The following SERPINE3 variants were observed in gnomAD, a reference collection of about 807,000 sequenced individuals.
SERPINE3 encodes serpin family E member 3.
In SERPINE3, 43 loss-of-function variants were observed where a neutral mutation model predicts 41.7. That is an observed-to-expected ratio of 1.03 (90% CI 0.81 to 1.33). The LOEUF (loss-of-function observed/expected upper bound fraction) is 1.33. Among genes scored for constraint, SERPINE3 ranks in the 40% most tolerant of loss-of-function variants. The pLI, the probability that SERPINE3 is intolerant of heterozygous loss-of-function variation, is 0.00. For synonymous variants in SERPINE3, 200 were observed against 192.2 expected (o/e 1.04, Z -0.34); for missense variants, 440 against 491.7 (o/e 0.89, Z 0.99).
At chr13:51,355,177 G>C in intron 7 of SERPINE3, 34 bp downstream of exon 7, 2 of 1,022,920 alleles carry the variant, frequency 2.0e-6, no homozygotes, top group South Asian at 2.9e-5. Flanking sequence ...CGTTCTAGCC[G>C]TGTATTTGGG....
intron 6 of SERPINE3, among the ~76,000 whole-genome samples, chr13:51,348,848 G>GTCCCCCCATGACCCCCTGATCCAGCC (rs1439076333): frequency 2.3e-4 from 34 of 150,276 alleles, no homozygotes; most frequent in South Asian, 4.2e-4. Context: ...ACGTAATTGA[G>GTCCCCCCATGACCCCCTGATCCAGCC]CAAGTACAGA....
intron 6 of SERPINE3, chr13:51,354,099 T>C (rs1955442447): frequency 6.6e-6 from 1 of 152,156 alleles, no homozygotes; most frequent in African/African-American, 2.4e-5. Flanking sequence ...TTTTATCCAG[T>C]ATAAACACTC....
rs186423841 is a variant in SERPINE3 at position 51,355,523 on chromosome 13, C to T, written c.1000+380C>T. ...CTTCAGTCACCCTTTGTTTCTACAC[C>T]CTTTTCCTCCCTCCTTCCCAATACC... On this transcript the variant is annotated intron_variant, in intron 7 of 9. Transcript: ENST00000681248. Among the ~76,000 whole-genome samples, 302 of 152,184 alleles carry T rather than the reference C, an allele frequency of 2.0e-3. 1 individual carries two copies. Among genetic ancestry groups the T allele is most frequent in the African/African-American group, 6.7e-3 (279 of 41,514 alleles).
chr13:51,361,209 G>GA (rs2137827347), intron 7 of SERPINE3, 69 bp from the exon 8 acceptor site: 1 of 982,588 alleles, frequency 1.0e-6, no homozygotes, highest in South Asian at 1.4e-5. Context: ...CATTTTTAAA[G>GA]AATGTGTTCT....
intron 3 of SERPINE3, among the ~76,000 whole-genome samples, chr13:51,341,915 C>T (rs779641534): frequency 2.6e-5 from 4 of 152,142 alleles, no homozygotes; most frequent in Non-Finnish European, 5.9e-5. Context: ...TGCTTTTGAC[C>T]AACCTGCTTT....
At chr13:51,341,921 G>A (rs2137762011) in intron 3 of SERPINE3, among the ~76,000 whole-genome samples, 1 of 152,288 alleles carries the variant, frequency 6.6e-6, no homozygotes, top group Non-Finnish European at 1.5e-5. Flanking sequence ...TGACCAACCT[G>A]CTTTTATAAA....
chr13:51,360,135 G>T (rs1290209387), intron 7 of SERPINE3, among the ~76,000 whole-genome samples: 1 of 152,006 alleles, frequency 6.6e-6, no homozygotes, highest in Admixed American at 6.6e-5. Flanking sequence ...GCATTCATGG[G>T]CTATCTCCTG....
chr13:51,353,742 G>C (rs1481356772), intron 6 of SERPINE3, among the ~76,000 whole-genome samples: 2 of 152,118 alleles, frequency 1.3e-5, no homozygotes, highest in African/African-American at 2.4e-5. Context: ...TGATACTTTT[G>C]TTTAAAGTAT....
Position 51,364,317 on chromosome 13 carries a change from CATAAAGTT to C in SERPINE3, c.*40_*47del. ...CTCCACTTTCATCAATGCTTTTCTTCATAAAGTTATAATTTCATTTTGCTATACCCTTG... is the reference window on the plus strand; with the variant it reads ...CTCCACTTTCATCAATGCTTTTCTTCATAATTTCATTTTGCTATACCCTTG... On this transcript the variant is annotated 3_prime_UTR_variant, in exon 10 of 10. Coordinates refer to ENST00000681248, the MANE Select transcript of SERPINE3 (RefSeq NM_001386375.1). 2 of 1,275,292 alleles carry C rather than the reference CATAAAGTT, an allele frequency of 1.6e-6. No individual in the cohort carries two copies. The highest frequency in any genetic ancestry group is 2.1e-6 in the Non-Finnish European group (2 of 930,558). 79.0% of individuals were successfully genotyped at this position (1,275,292 alleles called of 1,614,324 possible).
intron 3 of SERPINE3, 72 bp downstream of exon 3, chr13:51,341,419 C>G: frequency 7.3e-7 from 1 of 1,370,260 alleles, no homozygotes; most frequent in Non-Finnish European, 1.0e-6. Flanking sequence ...GCTCACCCTC[C>G]TGCTCACACT....
At chr13:51,361,735 C>G (rs996209152) in intron 8 of SERPINE3, 75 bp from the exon 9 acceptor site, 6 of 1,313,178 alleles carry the variant, frequency 4.6e-6, no homozygotes, top group Non-Finnish European at 6.2e-6. Context: ...AAAAAATTAA[C>G]TTACTTCATA....
intron 5 of SERPINE3, among the ~76,000 whole-genome samples, chr13:51,347,962 C>T (rs1039751561): frequency 6.6e-6 from 1 of 152,102 alleles, no homozygotes; most frequent in African/African-American, 2.4e-5. Flanking sequence ...ATCGTCCCCC[C>T]CCCCATACCC....
chr13:51,344,523 G>C, intron 4 of SERPINE3, 38 bp downstream of exon 4: 1 of 1,471,884 alleles, frequency 6.8e-7, no homozygotes, highest in Middle Eastern at 1.7e-4. Flanking sequence ...GGCTAAGGCA[G>C]AGGGCTGCAG....
intron 1 of SERPINE3, among the ~76,000 whole-genome samples, chr13:51,339,946 G>T (rs1955274149): frequency 6.6e-6 from 1 of 152,162 alleles, no homozygotes; most frequent in South Asian, 2.1e-4. Context: ...GAGAGAGAGA[G>T]AGAGCCCTAT....
Position 51,348,064 on chromosome 13 carries a change from T to C in SERPINE3, c.701-149T>C, listed in dbSNP as rs1955366975. On this transcript the variant is annotated intron_variant, in intron 5 of 9. Transcript: ENST00000681248. ...ATAAAATGACCATATCGCCCAACAG[T>C]CTTTGGCCTGAAACCGCCTCCTGAG... The C allele has an allele frequency of 6.5e-6, 4 of 619,762 alleles. No individual in the cohort carries two copies. The Admixed American group carries it at 1.2e-4, about 18-fold the overall frequency. 38.4% of individuals were successfully genotyped at this position (619,762 alleles called of 1,614,324 possible).
intron 7 of SERPINE3, among the ~76,000 whole-genome samples, chr13:51,359,129 G>A (rs918274555): frequency 6.6e-6 from 1 of 152,042 alleles, no homozygotes. Context: ...TGGGAAAATA[G>A]GGCGTATGTC....
chr13:51,343,743 A>T (rs907482545), intron 3 of SERPINE3, among the ~76,000 whole-genome samples: 17 of 152,352 alleles, frequency 1.1e-4, no homozygotes, highest in Non-Finnish European at 2.2e-4. Context: ...CAGGCTCATG[A>T]CACGCAGTTG....
chr13:51,351,959 G>A (rs1955407200), intron 6 of SERPINE3, among the ~76,000 whole-genome samples: 1 of 149,388 alleles, frequency 6.7e-6, no homozygotes, highest in African/African-American at 2.6e-5. Context: ...AAATGTCTAA[G>A]TTTATTTCTG....
At chr13:51,351,708 C>T (rs1479699013) in intron 6 of SERPINE3, among the ~76,000 whole-genome samples, 1 of 152,114 alleles carries the variant, frequency 6.6e-6, no homozygotes, top group African/African-American at 2.4e-5. Flanking sequence ...ATAGACACCA[C>T]TGTCTAGTTA....
Sources: gnomAD v4.1 joint callset for allele counts (sites outside exome capture counted in the v4.1 genomes callset) on GRCh38, gnomAD v4.1.1 for gene constraint, MANE v1.5 for transcripts, NCBI Gene and HGNC (gene_info 2026-07-23, HGNC 2026-07-21) for gene names.